Variants in CACNA1C observed in about 807,000 individuals in gnomAD.
CACNA1C encodes voltage-dependent L-type calcium channel subunit alpha-1C.
Under a neutral mutation model 229.0 loss-of-function variants are expected in CACNA1C, and 30 were observed. The ratio of observed to expected loss-of-function variants is 0.13; its 90% CI spans 0.10 to 0.18. The LOEUF is 0.18. CACNA1C is among the 10% of genes least tolerant of loss of function. The pLI is 1.00. For synonymous variants in CACNA1C, 1,114 were observed against 1,132.5 expected (o/e 0.98, Z 0.33); for missense variants, 1,658 against 2,845.0 (o/e 0.58, Z 9.49).
intron 3 of CACNA1C, among the ~76,000 whole-genome samples, chr12:2,364,217 A>G (rs1225064338): frequency 1.3e-5 from 2 of 152,238 alleles, no homozygotes; most frequent in African/African-American, 4.8e-5. Flanking sequence ...TGATTTTGAC[A>G]GTCTCTAGGT....
At chr12:2,534,402 C>A (rs1213147868) in intron 9 of CACNA1C, among the ~76,000 whole-genome samples, 6 of 152,194 alleles carry the variant, frequency 3.9e-5, no homozygotes, top group African/African-American at 1.4e-4. Flanking sequence ...GGTGAAGTCC[C>A]TGCTGAGAAA....
At chr12:2,579,980 C>A (rs115719395) in intron 13 of CACNA1C, among the ~76,000 whole-genome samples, 6,824 of 152,230 alleles carry the variant, frequency 0.045, 530 homozygotes, top group African/African-American at 0.15. Flanking sequence ...CAGAGAGGTT[C>A]TCTTACTTTT....
At chr12:2,109,068 C>T (rs553921507) in intron 1 of CACNA1C, among the ~76,000 whole-genome samples, 19 of 152,314 alleles carry the variant, frequency 1.2e-4, no homozygotes, top group African/African-American at 3.1e-4. Context: ...GTGTGAGCTG[C>T]GGCTGCTCAC....
At chr12:2,452,372 G>T (rs1474039202) in intron 4 of CACNA1C, among the ~76,000 whole-genome samples, 1 of 152,174 alleles carries the variant, frequency 6.6e-6, no homozygotes, top group Non-Finnish European at 1.5e-5. Context: ...ATCCTCAGGA[G>T]GTTCCACGCC....
At chr12:2,427,405 T>C (rs1214940647) in intron 3 of CACNA1C, among the ~76,000 whole-genome samples, 1 of 152,162 alleles carries the variant, frequency 6.6e-6, no homozygotes, top group Non-Finnish European at 1.5e-5. Context: ...CAACCCTGTG[T>C]CCATTCCTAA....
intron 24 of CACNA1C, 147 bp from the exon 25 acceptor site, chr12:2,606,464 G>A (rs1601859351): frequency 4.4e-6 from 3 of 684,140 alleles, no homozygotes; most frequent in Non-Finnish European, 5.3e-6. Flanking sequence ...TTCTGTGCGT[G>A]TGAGTCAGGT....
In CACNA1C at chr12:2,695,243, G is replaced by A. The variant is rs1402553093; in HGVS notation, c.*4044G>A. ...CTGTGCCTCTTCCCAGTTCATGGAA[G>A]GATGTGTTCAGCTTACCCACCCACA... On this transcript the variant is annotated 3_prime_UTR_variant, in exon 47 of 47. Coordinates refer to ENST00000399655, the MANE Select transcript of CACNA1C (RefSeq NM_000719.7). 1 of 152,244 alleles carries A rather than the reference G, an allele frequency of 6.6e-6. No homozygotes were observed. Among genetic ancestry groups the A allele is most frequent in the Non-Finnish European group, 1.5e-5 (1 of 68,058 alleles). 9.4% of individuals were successfully genotyped at this position (152,244 alleles called of 1,614,324 possible).
At chr12:2,036,717 G>A (rs61910064) in intron 1 of CACNA1C, among the ~76,000 whole-genome samples, 8,981 of 151,950 alleles carry the variant, frequency 0.059, 318 homozygotes, top group Middle Eastern at 0.085. Context: ...GCCCTCTTCG[G>A]CCTCCCAAAG....
At chr12:2,155,359 GAC>G (rs1327804957) in intron 3 of CACNA1C, among the ~76,000 whole-genome samples, 1 of 151,974 alleles carries the variant, frequency 6.6e-6, no homozygotes, top group Non-Finnish European at 1.5e-5. Flanking sequence ...TTGTCACTTA[GAC>G]ACACAATTTT....
At chr12:2,662,041 G>C (rs1451886580) in intron 34 of CACNA1C, among the ~76,000 whole-genome samples, 1 of 152,148 alleles carries the variant, frequency 6.6e-6, no homozygotes, top group Admixed American at 6.5e-5. Flanking sequence ...AGGAGATCGA[G>C]ACCATCCTGG....
At chr12:2,130,418 G>A (rs1296094230) in intron 3 of CACNA1C, among the ~76,000 whole-genome samples, 6 of 129,708 alleles carry the variant, frequency 4.6e-5, no homozygotes, top group Admixed American at 2.4e-4. Context: ...TCATCATCTA[G>A]CATTAGGTAT....
In CACNA1C at chr12:2,601,111, C is replaced by T. The variant is rs1253150288; in HGVS notation, c.2854-743C>T. ...CTGAGCCTCATAGCCCCTCTGATCA[C>T]ACAACTTTTGCCCTTAAAGAACTCC... On this transcript the variant is annotated intron_variant, in intron 21 of 46. Transcript: ENST00000399655. The surrounding 1 kb of genome is among the most constrained non-coding windows in gnomAD (Gnocchi z 5.9). Among the ~76,000 whole-genome samples, 1 of 152,212 alleles carries T rather than the reference C, an allele frequency of 6.6e-6. No individual in the cohort carries two copies. Among genetic ancestry groups the T allele is most frequent in the Non-Finnish European group, 1.5e-5 (1 of 68,038 alleles).
At chr12:2,090,597 C>T (rs2070378488) in intron 1 of CACNA1C, among the ~76,000 whole-genome samples, 1 of 152,104 alleles carries the variant, frequency 6.6e-6, no homozygotes, top group Non-Finnish European at 1.5e-5. Flanking sequence ...GGATTACAGG[C>T]ATGAGCCACC....
At chr12:2,440,846 CG>C (rs1214749795) in intron 3 of CACNA1C, among the ~76,000 whole-genome samples, 3 of 152,136 alleles carry the variant, frequency 2.0e-5, no homozygotes, top group Non-Finnish European at 4.4e-5. Context: ...TCCAACTCAT[CG>C]ATGCGCTGAG....
intron 7 of CACNA1C, among the ~76,000 whole-genome samples, chr12:2,495,535 T>C (rs146135744): frequency 8.5e-5 from 13 of 152,332 alleles, no homozygotes; most frequent in South Asian, 8.3e-4. Context: ...CCACAAGTCA[T>C]TGATGCCCCA....
chr12:2,447,866 G>T (rs1209776969), intron 3 of CACNA1C, among the ~76,000 whole-genome samples: 1 of 152,228 alleles, frequency 6.6e-6, no homozygotes, highest in Non-Finnish European at 1.5e-5. Flanking sequence ...ATGGGTCTAG[G>T]GGTTCTGAGC....
At chr12:2,240,116 T>TTG (rs2069278929) in intron 3 of CACNA1C, among the ~76,000 whole-genome samples, 1 of 152,200 alleles carries the variant, frequency 6.6e-6, no homozygotes, top group Non-Finnish European at 1.5e-5. Context: ...TCAATGCTAA[T>TTG]TGGATCATTA....
At chr12:2,574,899 G>C (rs1369543606) in intron 13 of CACNA1C, among the ~76,000 whole-genome samples, 3 of 152,234 alleles carry the variant, frequency 2.0e-5, no homozygotes, top group Non-Finnish European at 4.4e-5. Context: ...TTCTCCTTTG[G>C]TATGGGAATG....
intron 6 of CACNA1C, among the ~76,000 whole-genome samples, chr12:2,491,833 C>T (rs1345500346): frequency 1.3e-5 from 2 of 152,328 alleles, no homozygotes; most frequent in Admixed American, 6.5e-5. Flanking sequence ...ATCAGCCCAC[C>T]GGCCAGTCCT....
Sources: allele counts gnomAD v4.1 joint callset (sites outside exome capture counted in the v4.1 genomes callset), GRCh38; gene constraint gnomAD v4.1.1; non-coding constraint Gnocchi (gnomAD v3.1); transcripts MANE v1.5; gene names NCBI Gene and HGNC (gene_info 2026-07-23, HGNC 2026-07-21).